KCNQ1: variants seen among roughly 807,000 people sequenced by gnomAD.
The protein encoded by KCNQ1 is potassium voltage-gated channel subfamily KQT member 1.
In KCNQ1, 49 loss-of-function variants were observed where a neutral mutation model predicts 72.4. The observed-to-expected ratio is 0.68, with a 90% CI of 0.54 to 0.86. The LOEUF is 0.86. Among genes scored for constraint, KCNQ1 ranks in the 40% least tolerant of loss-of-function variants. KCNQ1 has a pLI of 0.00. For synonymous variants in KCNQ1, 450 were observed against 412.6 expected (o/e 1.09, Z -1.10); for missense variants, 790 against 945.1 (o/e 0.84, Z 2.15).
At position 2,676,297 on chromosome 11, in the gene KCNQ1, C is replaced by T. The variant is rs578069469; in HGVS notation, c.1514+14216C>T. On this transcript the variant is annotated intron_variant, in intron 11 of 15. Coordinates refer to ENST00000155840, the MANE Select transcript of KCNQ1 (RefSeq NM_000218.3). This position sits in a 1 kb window ranked among gnomAD's most constrained non-coding sequence, Gnocchi z 4.2. ...GTGTGTTTACATGTATACAGACACA[C>T]GTGTGAACAGGTGATGGCTCTGAAC... 72 of 398,498 alleles carry T rather than the reference C, an allele frequency of 1.8e-4. 1 individual carries two copies. Among genetic ancestry groups the T allele is most frequent in the Non-Finnish European group, 2.3e-4 (52 of 226,076 alleles). 24.7% of individuals were successfully genotyped at this position (398,498 alleles called of 1,614,324 possible). A position where few individuals can be genotyped will look rare whatever the true frequency, so the allele number is the denominator to read the frequency against.
At chr11:2,776,345 C>T (rs1017953622) in intron 13 of KCNQ1, among the ~76,000 whole-genome samples, 2 of 152,122 alleles carry the variant, frequency 1.3e-5, no homozygotes, top group Non-Finnish European at 2.9e-5. Flanking sequence ...CCGCCTCCGT[C>T]CCTGCTCAGG....
At chr11:2,846,360 A>C (rs1009919480) in intron 15 of KCNQ1, among the ~76,000 whole-genome samples, 2 of 151,876 alleles carry the variant, frequency 1.3e-5, no homozygotes, top group African/African-American at 4.8e-5. Context: ...CCCCTCCCCC[A>C]CCACTTCTAG....
Position 2,752,379 on chromosome 11 carries a change from G to A in KCNQ1, c.1515-16465G>A, listed in dbSNP as rs1846240202. Among the ~76,000 whole-genome samples, 1 of 152,030 alleles carries A rather than the reference G, an allele frequency of 6.6e-6. No homozygotes were observed. Among genetic ancestry groups the A allele is most frequent in the Admixed American group, 6.5e-5 (1 of 15,276 alleles). ...TAAACTGAGTTTCATTGAGCAGCTT[G>A]TTTAGCTGGTGTGTGCCAGGTGGTC... On this transcript the variant is annotated intron_variant, in intron 11 of 15. Coordinates refer to ENST00000155840, the MANE Select transcript of KCNQ1 (RefSeq NM_000218.3). This position sits in a 1 kb window ranked among gnomAD's most constrained non-coding sequence, Gnocchi z 5.2.
chr11:2,506,879 C>T (rs1010826466), intron 1 of KCNQ1, among the ~76,000 whole-genome samples: 8 of 152,142 alleles, frequency 5.3e-5, no homozygotes, highest in Admixed American at 1.3e-4. Context: ...ATTTGTAAAT[C>T]GTCTGTCTTC....
rs1850311538 is a variant in KCNQ1, at chr11:2,677,340, G to C, written c.1514+15259G>C. ...ATGATGTCAAATGATTTCTCAAATA[G>C]AGACTGGGCAGAGTAGACCAGTTAG... On this transcript the variant is annotated intron_variant, in intron 11 of 15. Coordinates refer to ENST00000155840, the MANE Select transcript of KCNQ1 (RefSeq NM_000218.3). This position sits in a 1 kb window ranked among gnomAD's most constrained non-coding sequence, Gnocchi z 4.5. 7.5e-6 allele frequency: 3 copies of C among 398,504 alleles called. No homozygotes were observed. Among genetic ancestry groups the C allele is most frequent in the East Asian group, 7.1e-5 (2 of 28,078 alleles). 24.7% of individuals were successfully genotyped at this position (398,504 alleles called of 1,614,324 possible).
chr11:2,736,271 T>C (rs1258877952), intron 11 of KCNQ1, among the ~76,000 whole-genome samples: 1 of 152,170 alleles, frequency 6.6e-6, no homozygotes, highest in East Asian at 1.9e-4. Context: ...TTCTAAGTCT[T>C]GGGGACCTAA....
chr11:2,693,054 A>G lies in KCNQ1; in HGVS notation c.1514+30973A>G. The G allele has an allele frequency of 2.3e-5, 9 of 398,658 alleles. No individual in the cohort carries two copies. The Middle Eastern group carries it at 1.9e-3, about 84-fold the overall frequency. 24.7% of individuals were successfully genotyped at this position (398,658 alleles called of 1,614,324 possible). ...TCCTTTCTGGAGCAGGGGGAGAGAA[A>G]GGCATCCAGTTAGCCATAGAGGGGA... On this transcript the variant is annotated intron_variant, in intron 11 of 15. Coordinates refer to ENST00000155840, the MANE Select transcript of KCNQ1 (RefSeq NM_000218.3).
chr11:2,468,083 C>T lies in KCNQ1; in HGVS notation c.386+22599C>T, dbSNP rs949114303. 6.6e-6 allele frequency among the ~76,000 whole-genome samples: 1 copy of T among 152,252 alleles called. No individual in the cohort carries two copies. The highest frequency in any genetic ancestry group is 1.5e-5 in the Non-Finnish European group (1 of 68,038). ...GTTAGCCACGTGCTTAGACTGTGCC[C>T]GGAAAATGCACTGTCTCTCCTGGGC... is the stretch of plus-strand genomic sequence containing the variant. On this transcript the variant is annotated intron_variant, in intron 1 of 15. Coordinates refer to ENST00000155840, the MANE Select transcript of KCNQ1 (RefSeq NM_000218.3). This position sits in a 1 kb window ranked among gnomAD's most constrained non-coding sequence, Gnocchi z 5.7.
At position 2,563,836 on chromosome 11, in the gene KCNQ1, T is replaced by C. The variant is rs1054527847; in HGVS notation, c.478-6792T>C. Among the ~76,000 whole-genome samples the C allele has an allele frequency of 6.6e-6, 1 of 152,252 alleles. No homozygotes were observed. The highest frequency in any genetic ancestry group is 1.5e-5 in the Non-Finnish European group (1 of 68,038). ...ATCCTGAGAGGGCTCAAGGTCTGCA[T>C]GCCATTTTGCAATTGACAAATGGCT... is the stretch of plus-strand genomic sequence containing the variant. On this transcript the variant is annotated intron_variant, in intron 2 of 15. Coordinates refer to ENST00000155840, the MANE Select transcript of KCNQ1 (RefSeq NM_000218.3). The surrounding 1 kb of genome is among the most constrained non-coding windows in gnomAD (Gnocchi z 7.4).
chr11:2,812,461 G>A lies in KCNQ1; in HGVS notation c.1794+34424G>A, dbSNP rs1402816044. 7.2e-5 allele frequency among the ~76,000 whole-genome samples: 11 copies of A among 152,302 alleles called. No individual in the cohort carries two copies. In the East Asian group the frequency reaches 9.7e-4, roughly 13 times the overall value. On this transcript the variant is annotated intron_variant, in intron 15 of 15. Coordinates refer to ENST00000155840, the MANE Select transcript of KCNQ1 (RefSeq NM_000218.3). ...CATTTGCATCACAGCCTGCCCGGCCGGCTCTGTGGCCCCTGATCTTCCTAC... is the reference window on the plus strand; with the variant it reads ...CATTTGCATCACAGCCTGCCCGGCCAGCTCTGTGGCCCCTGATCTTCCTAC...
chr11:2,810,402 G>C, intron 15 of KCNQ1, among the ~76,000 whole-genome samples: 1 of 152,226 alleles, frequency 6.6e-6, no homozygotes, highest in East Asian at 1.9e-4. Context: ...TTTTAAGTCA[G>C]ACTGAAGACA....
intron 10 of KCNQ1, chr11:2,615,178 T>G (rs907589805): frequency 2.5e-6 from 1 of 398,120 alleles, no homozygotes; most frequent in Non-Finnish European, 4.4e-6. Context: ...ATTTTAAAAA[T>G]TGACTTCCTT....
chr11:2,621,377 C>T lies in KCNQ1; in HGVS notation c.1393+32523C>T, dbSNP rs11522611. 0.081 allele frequency: 32,455 copies of T among 398,496 alleles called. 1,570 individuals carry two copies. Among genetic ancestry groups the T allele is most frequent in the Non-Finnish European group, 0.11 (24,130 of 226,042 alleles). The allele number at this position is 398,496 out of a possible 1,614,324, so 24.7% of individuals were successfully genotyped here. The stretch of plus-strand genomic sequence containing the variant: ...AGAAATGTATGTTCCTGTCCTTTGC[C>T]AATTCAATTGGATTATTCGTTTTTT... On this transcript the variant is annotated intron_variant, in intron 10 of 15. Coordinates refer to ENST00000155840, the MANE Select transcript of KCNQ1 (RefSeq NM_000218.3). The surrounding 1 kb of genome is among the most constrained non-coding windows in gnomAD (Gnocchi z 5.7).
chr11:2,799,915 G>A (rs1011193027), intron 15 of KCNQ1, among the ~76,000 whole-genome samples: 4 of 152,126 alleles, frequency 2.6e-5, no homozygotes, highest in Admixed American at 6.5e-5. Flanking sequence ...ACGCCTGCCC[G>A]TCAGTCCTCA....
At position 2,627,955 on chromosome 11, in the gene KCNQ1, T is replaced by A. The variant is rs1187825621; in HGVS notation, c.1394-34006T>A. 2 of 398,446 alleles carry A rather than the reference T, an allele frequency of 5.0e-6. No individual in the cohort carries two copies. Among genetic ancestry groups the A allele is most frequent in the Non-Finnish European group, 8.8e-6 (2 of 226,078 alleles). The allele number at this position is 398,446 out of a possible 1,614,324, so 24.7% of individuals were successfully genotyped here. On this transcript the variant is annotated intron_variant, in intron 10 of 15. Transcript: ENST00000155840. This position sits in a 1 kb window ranked among gnomAD's most constrained non-coding sequence, Gnocchi z 4.9. ...TATGTAGAGATAGGGTATCACTATG[T>A]TTCCTAGGCTGGTCTCAAACTCCTG...
intron 11 of KCNQ1, chr11:2,666,035 C>A: frequency 2.5e-6 from 1 of 398,670 alleles, no homozygotes; most frequent in Non-Finnish European, 4.4e-6. Flanking sequence ...ACATGGATAC[C>A]TGAGATAGAC....
Position 2,658,110 on chromosome 11 carries a change from C to CA in KCNQ1, c.1394-3843dup, listed in dbSNP as rs764022178. 7 of 398,020 alleles carry CA rather than the reference C, an allele frequency of 1.8e-5. No homozygotes were observed. In the South Asian group the frequency reaches 3.8e-4, roughly 22 times the overall value. The allele number at this position is 398,020 out of a possible 1,614,324, so 24.7% of individuals were successfully genotyped here. ...AACTCTACCTCCTGCAGGAGAGTAT[C>CA]AAAAAAAATCTGCAAATATGTTAAA... On this transcript the variant is annotated intron_variant, in intron 10 of 15. Transcript: ENST00000155840. This position sits in a 1 kb window ranked among gnomAD's most constrained non-coding sequence, Gnocchi z 4.9.
Position 2,658,002 on chromosome 11 carries a change from C to A in KCNQ1, c.1394-3959C>A. On this transcript the variant is annotated intron_variant, in intron 10 of 15. Coordinates refer to ENST00000155840, the MANE Select transcript of KCNQ1 (RefSeq NM_000218.3). The surrounding 1 kb of genome is among the most constrained non-coding windows in gnomAD (Gnocchi z 4.9). ...AGGCTCCTCCACTGTAAGTGAATAG[C>A]TGTTTTTCCCTTTCCATAGCTTAGT... 1 of 398,570 alleles carries A rather than the reference C, an allele frequency of 2.5e-6. No individual in the cohort carries two copies. The highest frequency in any genetic ancestry group is 4.4e-6 in the Non-Finnish European group (1 of 226,052). 24.7% of individuals were successfully genotyped at this position (398,570 alleles called of 1,614,324 possible).
intron 10 of KCNQ1, chr11:2,660,808 T>C (rs527814173): frequency 1.3e-5 from 5 of 398,488 alleles, no homozygotes; most frequent in Non-Finnish European, 2.2e-5. Flanking sequence ...GCAACATTTA[T>C]TAAAATTACT....
Sources: allele counts gnomAD v4.1 joint callset (sites outside exome capture counted in the v4.1 genomes callset), GRCh38; gene constraint gnomAD v4.1.1; non-coding constraint Gnocchi (gnomAD v3.1); transcripts MANE v1.5; gene names NCBI Gene and HGNC (gene_info 2026-07-23, HGNC 2026-07-21).